The following SHB variants were observed in gnomAD, a reference collection of about 807,000 sequenced individuals.
The protein encoded by SHB is SH2 domain-containing adapter protein B.
In SHB, 20 loss-of-function variants were observed where a neutral mutation model predicts 52.3. The observed-to-expected ratio is 0.38, with a 90% confidence interval of 0.27 to 0.56. SHB has a LOEUF of 0.56. Ranked by LOEUF, SHB falls within the 20% of genes least tolerant of loss-of-function variation. The pLI, the probability that SHB is intolerant of heterozygous loss-of-function variation, is 0.71. For synonymous variants in SHB, 397 were observed against 316.5 expected, an observed-to-expected ratio of 1.25 and a Z score of -2.70; for missense variants, 825 against 723.3, an observed-to-expected ratio of 1.14 and a Z score of -1.61.
At chr9:38,017,276 G>C (rs141730917) in intron 1 of SHB, among the ~76,000 whole-genome samples, 124 of 152,292 alleles carry the variant, frequency 8.1e-4, no homozygotes, top group African/African-American at 2.8e-3. Flanking sequence ...TCTTGGGAGG[G>C]GGCAGGTTAG....
At chr9:37,971,293 A>G (rs1222467025) in intron 3 of SHB, among the ~76,000 whole-genome samples, 2 of 152,100 alleles carry the variant, frequency 1.3e-5, no homozygotes, top group Admixed American at 6.6e-5. Flanking sequence ...CCTTCCCGGG[A>G]AGCTGCACTT....
intron 1 of SHB, among the ~76,000 whole-genome samples, chr9:38,040,521 CT>C (rs1269374317): frequency 6.6e-6 from 1 of 152,206 alleles, no homozygotes; most frequent in African/African-American, 2.4e-5. Flanking sequence ...AGAGCTACCC[CT>C]GTCCCCAGCC....
At chr9:38,000,176 A>G (rs1310157822) in intron 2 of SHB, among the ~76,000 whole-genome samples, 1 of 152,238 alleles carries the variant, frequency 6.6e-6, no homozygotes, top group Non-Finnish European at 1.5e-5. Flanking sequence ...GCGAGAAGTC[A>G]GCGAGAATTG....
chr9:37,974,074 G>A (rs902747017), intron 3 of SHB, among the ~76,000 whole-genome samples: 11 of 152,126 alleles, frequency 7.2e-5, no homozygotes, highest in African/African-American at 2.2e-4. Flanking sequence ...GGCCAACATA[G>A]TGAAACCCCG....
chr9:38,019,388 T>C (rs1171872517), intron 1 of SHB, among the ~76,000 whole-genome samples: 1 of 152,252 alleles, frequency 6.6e-6, no homozygotes, highest in Non-Finnish European at 1.5e-5. Flanking sequence ...AAACCAGCAG[T>C]GGCCTGGGGA....
At chr9:37,969,601 G>A (rs1358648852) in intron 3 of SHB, among the ~76,000 whole-genome samples, 6 of 152,202 alleles carry the variant, frequency 3.9e-5, no homozygotes, top group African/African-American at 1.4e-4. Context: ...GAGGTGTGAA[G>A]ACACCGATTT....
At chr9:38,011,807 TCTATAAAAAAGAAAGCTTGGACCAGGTCA>T (rs1821145938) in intron 2 of SHB, among the ~76,000 whole-genome samples, 1 of 152,108 alleles carries the variant, frequency 6.6e-6, no homozygotes, top group Non-Finnish European at 1.5e-5. Flanking sequence ...AGTTTCCCTA[TCTATAAAAAAGAAAGCTTGGACCAGGTCA>T]CTAGTTCTCC....
chr9:37,999,650 C>T (rs963239558), intron 2 of SHB, among the ~76,000 whole-genome samples: 3 of 152,116 alleles, frequency 2.0e-5, no homozygotes, highest in Non-Finnish European at 2.9e-5. Context: ...ACAAAGGCAG[C>T]CGAGGCAGCA....
chr9:37,960,171 A>C (rs1832678552), intron 3 of SHB, among the ~76,000 whole-genome samples: 1 of 152,222 alleles, frequency 6.6e-6, no homozygotes, highest in African/African-American at 2.4e-5. Context: ...ATTTCACCTA[A>C]AATACAAATA....
intron 4 of SHB, 36 bp downstream of exon 4, chr9:37,955,847 G>A (rs1832624225): frequency 9.4e-6 from 15 of 1,593,078 alleles, no homozygotes; most frequent in Non-Finnish European, 1.2e-5. Flanking sequence ...TAGGTGAACT[G>A]GGAGGTGAGG....
intron 2 of SHB, among the ~76,000 whole-genome samples, chr9:38,000,957 C>T (rs1449879776): frequency 6.6e-6 from 1 of 152,204 alleles, no homozygotes; most frequent in African/African-American, 2.4e-5. Flanking sequence ...GAGATAGCAC[C>T]ACGTGTCCTG....
chr9:38,015,922 G>A, intron 2 of SHB, 89 bp downstream of exon 2: 1 of 1,342,624 alleles, frequency 7.4e-7, no homozygotes, highest in South Asian at 1.3e-5. Context: ...CCCCCAGTGA[G>A]GCTGGTTGGG....
At chr9:38,055,101 C>T (rs928726858) in intron 1 of SHB, among the ~76,000 whole-genome samples, 1 of 152,182 alleles carries the variant, frequency 6.6e-6, no homozygotes, top group African/African-American at 2.4e-5. Context: ...TTGTAAAATG[C>T]TATGCAGGTA....
At chr9:38,057,666 T>C (rs1010394004) in intron 1 of SHB, among the ~76,000 whole-genome samples, 1 of 152,230 alleles carries the variant, frequency 6.6e-6, no homozygotes, top group African/African-American at 2.4e-5. Flanking sequence ...GCTGTCTGGC[T>C]TTCTGGGAGT....
intron 2 of SHB, among the ~76,000 whole-genome samples, chr9:38,011,548 C>T (rs538545029): frequency 6.6e-6 from 1 of 152,294 alleles, no homozygotes; most frequent in Admixed American, 6.5e-5. Flanking sequence ...AGTCACTCTG[C>T]TTAAAACGCA....
At chr9:38,002,415 A>T (rs59855196) in intron 2 of SHB, among the ~76,000 whole-genome samples, 6,129 of 152,300 alleles carry the variant, frequency 0.04, 261 homozygotes, top group African/African-American at 0.11. Context: ...CCTAGAGGAC[A>T]GGAACCCTGA....
At chr9:37,929,770 A>G (rs1010160123) in intron 5 of SHB, among the ~76,000 whole-genome samples, 1 of 152,246 alleles carries the variant, frequency 6.6e-6, no homozygotes, top group Non-Finnish European at 1.5e-5. Context: ...CTTTCACCAC[A>G]GTCTCTAAGG....
intron 5 of SHB, among the ~76,000 whole-genome samples, chr9:37,943,403 C>G (rs988192485): frequency 6.6e-6 from 1 of 152,196 alleles, no homozygotes; most frequent in Non-Finnish European, 1.5e-5. Flanking sequence ...GTAACTGACA[C>G]TGGACGGGGC....
intron 5 of SHB, among the ~76,000 whole-genome samples, chr9:37,941,318 G>T (rs146713843): frequency 4.9e-4 from 75 of 152,328 alleles, no homozygotes; most frequent in African/African-American, 1.5e-3. Flanking sequence ...CATATGCTAA[G>T]CACTTCACAT....
Sources: allele counts gnomAD v4.1 joint callset (sites outside exome capture counted in the v4.1 genomes callset), GRCh38; gene constraint gnomAD v4.1.1; transcripts MANE v1.5; gene names NCBI Gene and HGNC (gene_info 2026-07-23, HGNC 2026-07-21).